Variants in CLEC1A observed in about 807,000 individuals in gnomAD.
The protein encoded by CLEC1A is C-type lectin-like receptor-1.
CLEC1A carries 34 observed loss-of-function variants against 28.7 expected under a neutral mutation model. That is an observed-to-expected ratio of 1.18 (90% CI 0.90 to 1.57). The LOEUF is 1.57. Ranked by LOEUF, CLEC1A falls within the 40% of genes most tolerant of loss-of-function variation. The pLI is 0.00. For missense variants in CLEC1A, 385 were observed against 339.5 expected, an observed-to-expected ratio of 1.13 and a Z score of -1.05; for synonymous variants, 116 against 121.0, an observed-to-expected ratio of 0.96 and a Z score of 0.27.
rs140055720 is a variant in CLEC1A, at chr12:10,098,958, G to A, written c.-36C>T. ...ACAGCGGTGAGAGTGAAATGTGGTC[G>A]GATTGCCCTGGGCCGCCGGGCTACT... is the stretch of plus-strand genomic sequence containing the variant. On this transcript the variant is annotated 5_prime_UTR_variant, in exon 1 of 6. Transcript: ENST00000315330. 1,371 of 1,504,404 alleles carry A rather than the reference G, an allele frequency of 9.1e-4. 12 individuals carry two copies. The African/African-American group carries it at 0.016, about 17-fold the overall frequency. 93.2% of individuals were successfully genotyped at this position (1,504,404 alleles called of 1,614,324 possible).
intron 2 of CLEC1A, among the ~76,000 whole-genome samples, chr12:10,082,705 T>C (rs1432793141): frequency 6.7e-6 from 1 of 149,902 alleles, no homozygotes; most frequent in Non-Finnish European, 1.5e-5. Flanking sequence ...CTGCAGCTGG[T>C]GCTCTCTTTA....
intron 2 of CLEC1A, among the ~76,000 whole-genome samples, chr12:10,087,765 C>T (rs1168350229): frequency 5.3e-5 from 8 of 150,682 alleles, no homozygotes; most frequent in East Asian, 1.9e-4. Context: ...TCAAGCGATT[C>T]GCCCGCCTCA....
At chr12:10,071,589 G>A in intron 5 of CLEC1A, 76 bp from the exon 6 acceptor site, 1 of 1,233,652 alleles carries the variant, frequency 8.1e-7, no homozygotes, top group East Asian at 2.6e-5. Flanking sequence ...ATTCTTTCTA[G>A]AGTTATAAAA....
chr12:10,073,364 C>T lies in CLEC1A; in HGVS notation c.591G>A (p.Trp197Ter), dbSNP rs767455455. The T allele has an allele frequency of 6.2e-7, 1 of 1,614,038 alleles. No individual in the cohort carries two copies. Among genetic ancestry groups the T allele is most frequent in the Non-Finnish European group, 8.5e-7 (1 of 1,179,962 alleles). The part of the protein sequence containing the change: ...QSYSEFFYSY[W>*]TGLLRPDSGK... ...CACTGTCAGGGCGCAAAAGCCCTGT[C>T]CAATAAGAGTAGAAAAACTCAGAGT... Residue 197 changes from tryptophan to a stop codon, truncating the protein, a stop_gained, in exon 5 of 6, where the codon TGG becomes TGA. Coordinates refer to ENST00000315330, the MANE Select transcript of CLEC1A (RefSeq NM_016511.4). LOFTEE classifies it high-confidence loss of function.
chr12:10,088,612 A>C (rs1460707191), intron 2 of CLEC1A, among the ~76,000 whole-genome samples: 1 of 151,918 alleles, frequency 6.6e-6, no homozygotes, highest in African/African-American at 2.4e-5. Flanking sequence ...ATATTTTTAG[A>C]TATGCTTTTT....
rs1866540768 is a variant in CLEC1A, at chr12:10,088,225, A to G, written c.214+899T>C. Among the ~76,000 whole-genome samples the G allele has an allele frequency of 2.6e-5, 4 of 152,206 alleles. No homozygotes were observed. The South Asian group carries it at 8.3e-4, about 31-fold the overall frequency. ...ATAGAAATCCCTCATGAATCATAAG[A>G]GTTCCTCTATATTTCCAAGAATAAT... On this transcript the variant is annotated intron_variant, in intron 2 of 5. Coordinates refer to ENST00000315330, the MANE Select transcript of CLEC1A (RefSeq NM_016511.4).
In CLEC1A at chr12:10,071,264, A is replaced by C; in HGVS notation, c.*69T>G. The C allele has an allele frequency of 7.1e-7, 1 of 1,408,522 alleles. No homozygotes were observed. Among genetic ancestry groups the C allele is most frequent in the Non-Finnish European group, 9.8e-7 (1 of 1,023,868 alleles). The allele number at this position is 1,408,522 out of a possible 1,614,324, so 87.3% of individuals were successfully genotyped here. ...CTTTCCTGATTATGTTCCATTTCCC[A>C]ATGTCTCAACTAGCCCTTGCTTTGG... On this transcript the variant is annotated 3_prime_UTR_variant, in exon 6 of 6. Transcript: ENST00000315330.
At chr12:10,074,243 T>A (rs1191283946) in intron 4 of CLEC1A, among the ~76,000 whole-genome samples, 1 of 152,180 alleles carries the variant, frequency 6.6e-6, no homozygotes, top group Non-Finnish European at 1.5e-5. Context: ...GGCCGTACAC[T>A]TTGTTTCATT....
Position 10,081,254 on chromosome 12 carries a change from A to G in CLEC1A, c.374T>C (p.Leu125Pro), listed in dbSNP as rs1866362473. Residue 125 changes from leucine to proline, a missense_variant, in exon 3 of 6, where the codon CTG becomes CCG. Coordinates refer to ENST00000315330, the MANE Select transcript of CLEC1A (RefSeq NM_016511.4). The part of the protein sequence containing the change: ...QHVAEKLCRE[L>P]YNKAGAHRCS... ...ACACTTACCTCCAGCTTTGTTATAC[A>G]GCTCACGACAGAGTTTTTCAGCCAC... 3 of 1,599,864 alleles carry G rather than the reference A, an allele frequency of 1.9e-6. No homozygotes were observed. Among genetic ancestry groups the G allele is most frequent in the Non-Finnish European group, 2.6e-6 (3 of 1,173,354 alleles).
chr12:10,091,715 C>T (rs1328388014), intron 1 of CLEC1A, among the ~76,000 whole-genome samples: 7 of 151,234 alleles, frequency 4.6e-5, no homozygotes, highest in Non-Finnish European at 8.8e-5. Context: ...CTCTCCAAAA[C>T]CCTATATTTG....
chr12:10,083,400 G>GAAC (rs1866410813), intron 2 of CLEC1A, among the ~76,000 whole-genome samples: 2 of 152,178 alleles, frequency 1.3e-5, no homozygotes, highest in Non-Finnish European at 2.9e-5. Context: ...AATTCAGAAG[G>GAAC]TTGATTATTA....
chr12:10,087,522 GT>G lies in CLEC1A; in HGVS notation c.214+1601del, dbSNP rs1265898724. ...TATATATATATATATATATATATTT[GT>G]TTTTTTTTTTTTTAGACAGAGTCTC... On this transcript the variant is annotated intron_variant, in intron 2 of 5. Transcript: ENST00000315330. Among the ~76,000 whole-genome samples, 167 of 37,604 alleles carry G rather than the reference GT, an allele frequency of 4.4e-3. 6 individuals are homozygous for G. The highest frequency in any genetic ancestry group is 0.04 in the Middle Eastern group (2 of 50). 24.7% of individuals were successfully genotyped at this position (37,604 alleles called of 152,430 possible).
chr12:10,077,313 A>G (rs1489237796), intron 3 of CLEC1A, among the ~76,000 whole-genome samples: 1 of 152,210 alleles, frequency 6.6e-6, no homozygotes, highest in Admixed American at 6.5e-5. Flanking sequence ...TTCTCTCTAT[A>G]TACATATAGA....
rs1866097439 is a variant in CLEC1A, at chr12:10,070,235, T to C, written c.*1098A>G. The stretch of plus-strand genomic sequence containing the variant: ...ACTCAGCTTCCTCATCAACCATGTG[T>C]TGATGCCATAAGCTCACCTCAAAAG... On this transcript the variant is annotated 3_prime_UTR_variant, in exon 6 of 6. Coordinates refer to ENST00000315330, the MANE Select transcript of CLEC1A (RefSeq NM_016511.4). 1 of 152,248 alleles carries C rather than the reference T, an allele frequency of 6.6e-6. No homozygotes were observed. The highest frequency in any genetic ancestry group is 1.5e-5 in the Non-Finnish European group (1 of 68,044). 9.4% of individuals were successfully genotyped at this position (152,248 alleles called of 1,614,324 possible). A position where few individuals can be genotyped will look rare whatever the true frequency, so the allele number is the denominator to read the frequency against.
At chr12:10,098,399 C>A (rs573202931) in intron 1 of CLEC1A, among the ~76,000 whole-genome samples, 2 of 151,994 alleles carry the variant, frequency 1.3e-5, no homozygotes, top group African/African-American at 4.8e-5. Flanking sequence ...ACATAATGAG[C>A]CCTTTATACA....
At chr12:10,072,265 C>T (rs549517031) in intron 5 of CLEC1A, among the ~76,000 whole-genome samples, 18 of 152,284 alleles carry the variant, frequency 1.2e-4, no homozygotes, top group Admixed American at 1.1e-3. Context: ...TCCCTGAAGC[C>T]TCCTCAGAAG....
At chr12:10,093,881 T>C (rs1263514352) in intron 1 of CLEC1A, among the ~76,000 whole-genome samples, 2 of 152,104 alleles carry the variant, frequency 1.3e-5, no homozygotes, top group African/African-American at 4.8e-5. Flanking sequence ...AACTTCCTCA[T>C]GGGAATCTGA....
At chr12:10,089,081 C>T in intron 2 of CLEC1A, 43 bp downstream of exon 2, 1 of 1,461,224 alleles carries the variant, frequency 6.8e-7, no homozygotes, top group Non-Finnish European at 9.6e-7. Flanking sequence ...CCTAGACAAA[C>T]CTTGGAACCA....
intron 2 of CLEC1A, among the ~76,000 whole-genome samples, chr12:10,087,741 T>C (rs1866530945): frequency 1.3e-5 from 2 of 150,682 alleles, no homozygotes; most frequent in South Asian, 4.2e-4. Flanking sequence ...CAGGCTGGTC[T>C]CCAACTCCTG....
Sources: allele counts gnomAD v4.1 joint callset (sites outside exome capture counted in the v4.1 genomes callset), GRCh38; gene constraint gnomAD v4.1.1; transcripts MANE v1.5; gene names NCBI Gene and HGNC (gene_info 2026-07-23, HGNC 2026-07-21).